Variants in CCSER1 observed in about 807,000 individuals in gnomAD.
The protein encoded by CCSER1 is coiled-coil serine rich protein 1.
Under a neutral mutation model 82.0 loss-of-function variants are expected in CCSER1, and 41 were observed. That is an observed-to-expected ratio of 0.50 (90% CI 0.39 to 0.65). The LOEUF (loss-of-function observed/expected upper bound fraction) is 0.65, where lower values mean the gene tolerates loss of function less well. Among genes scored for constraint, CCSER1 ranks in the 30% least tolerant of loss-of-function variants. CCSER1 has a pLI of 0.00. For synonymous variants in CCSER1, 414 were observed against 383.9 expected (o/e 1.08, Z -0.92); for missense variants, 1,119 against 1,064.2 (o/e 1.05, Z -0.72).
At chr4:90,736,923 A>T (rs1005463433) in intron 7 of CCSER1, among the ~76,000 whole-genome samples, 6 of 151,934 alleles carry the variant, frequency 3.9e-5, no homozygotes, top group African/African-American at 7.2e-5. Context: ...CCATTTTTTT[A>T]AAAAATAGGT....
At chr4:91,081,639 G>T (rs1372333982) in intron 9 of CCSER1, among the ~76,000 whole-genome samples, 3 of 152,182 alleles carry the variant, frequency 2.0e-5, no homozygotes, top group African/African-American at 7.2e-5. Context: ...GTTTGCAGAT[G>T]ACATGATTGT....
chr4:90,468,329 C>T lies in CCSER1; in HGVS notation c.1699C>T (p.Pro567Ser), dbSNP rs1332114208. The change falls in exon 5 of 11, where the codon CCA (proline) becomes TCA (serine). Residue 567 changes from proline to serine, a missense_variant. Coordinates refer to ENST00000509176, the MANE Select transcript of CCSER1 (RefSeq NM_001145065.2). Reference protein sequence around the residue: ...PMIEMKKREEPEFPEPSKQNL... With the variant: ...PMIEMKKREESEFPEPSKQNL... ...GATAGAAATGAAGAAAAGAGAAGAA[C>T]CAGAATTTCCTGAGCCTTCCAAACA... 2 of 1,605,200 alleles carry T rather than the reference C, an allele frequency of 1.2e-6. No individual in the cohort carries two copies. The highest frequency in any genetic ancestry group is 1.7e-5 in the Admixed American group (1 of 59,774).
intron 5 of CCSER1, among the ~76,000 whole-genome samples, chr4:90,511,719 C>T (rs1021233462): frequency 6.6e-6 from 1 of 152,048 alleles, no homozygotes; most frequent in Non-Finnish European, 1.5e-5. Context: ...AGAGTATGTG[C>T]TTCAAGTAAT....
chr4:90,268,656 C>A (rs183198101), intron 1 of CCSER1, among the ~76,000 whole-genome samples: 10 of 151,982 alleles, frequency 6.6e-5, no homozygotes, highest in Non-Finnish European at 8.8e-5. Context: ...CACAAAACAT[C>A]AGAAAAATAA....
At chr4:91,402,007 G>A (rs904558084) in intron 10 of CCSER1, among the ~76,000 whole-genome samples, 2 of 152,100 alleles carry the variant, frequency 1.3e-5, no homozygotes, top group Non-Finnish European at 2.9e-5. Flanking sequence ...CTAGTTTACA[G>A]TCCCACCAAC....
In CCSER1 at chr4:91,602,645, GAACTT is replaced by G. The variant is rs140322710; in HGVS notation, c.*3592_*3596del. On this transcript the variant is annotated 3_prime_UTR_variant, in exon 11 of 11. Coordinates refer to ENST00000509176, the MANE Select transcript of CCSER1 (RefSeq NM_001145065.2). The stretch of plus-strand genomic sequence containing the variant: ...AATTTTTACTACTTTTTCACTTTCA[GAACTT>G]AACATTCTAAACAGCTATAGAAGGA... Among the ~76,000 whole-genome samples, 95 of 151,966 alleles carry G rather than the reference GAACTT, an allele frequency of 6.3e-4. No homozygotes were observed. Among genetic ancestry groups the G allele is most frequent in the African/African-American group, 2.1e-3 (88 of 41,490 alleles).
intron 10 of CCSER1, among the ~76,000 whole-genome samples, chr4:91,095,405 A>G (rs1160177410): frequency 2.0e-5 from 3 of 152,024 alleles, no homozygotes; most frequent in Non-Finnish European, 2.9e-5. Flanking sequence ...GGATCCCTCT[A>G]ATTGCCACAG....
chr4:91,020,152 T>TA (rs1460467717), intron 9 of CCSER1, among the ~76,000 whole-genome samples: 2 of 152,170 alleles, frequency 1.3e-5, no homozygotes, highest in Non-Finnish European at 2.9e-5. Context: ...TGAAAATAAA[T>TA]ATGTACTTAA....
At chr4:90,497,049 G>T (rs1769146377) in intron 5 of CCSER1, among the ~76,000 whole-genome samples, 1 of 148,774 alleles carries the variant, frequency 6.7e-6, no homozygotes, top group Non-Finnish European at 1.5e-5. Context: ...AGGAAAGAGA[G>T]ACCAAGATAA....
chr4:90,786,050 AC>A, intron 7 of CCSER1, among the ~76,000 whole-genome samples: 1 of 152,010 alleles, frequency 6.6e-6, no homozygotes, highest in Non-Finnish European at 1.5e-5. Context: ...CAATTCTTTT[AC>A]TCCGTAGCTA....
chr4:90,571,848 A>C (rs1433955762), intron 5 of CCSER1, among the ~76,000 whole-genome samples: 1 of 151,962 alleles, frequency 6.6e-6, no homozygotes. Context: ...ACATCTCTTA[A>C]ATTATTGTAA....
intron 10 of CCSER1, among the ~76,000 whole-genome samples, chr4:91,151,196 G>T (rs1414469863): frequency 3.9e-5 from 6 of 152,030 alleles, no homozygotes; most frequent in Admixed American, 1.3e-4. Flanking sequence ...GTTTAGTCTT[G>T]GGAGGGTGCA....
intron 9 of CCSER1, among the ~76,000 whole-genome samples, chr4:90,957,906 C>A (rs76459037): frequency 9.2e-4 from 140 of 151,548 alleles, no homozygotes; most frequent in Non-Finnish European, 1.7e-3. Context: ...AAAATAACAT[C>A]CTAATTCAAA....
chr4:91,072,338 A>AT (rs1721523767), intron 9 of CCSER1, among the ~76,000 whole-genome samples: 2 of 152,058 alleles, frequency 1.3e-5, no homozygotes, highest in Admixed American at 6.6e-5. Context: ...TGAATTTCAC[A>AT]TTTTTTCCCA....
intron 3 of CCSER1, among the ~76,000 whole-genome samples, chr4:90,349,328 T>G (rs1190455243): frequency 6.6e-6 from 1 of 152,146 alleles, no homozygotes; most frequent in Non-Finnish European, 1.5e-5. Flanking sequence ...GCATTTTAGA[T>G]TTCTAATTAT....
At chr4:91,134,392 G>T (rs766456399) in intron 10 of CCSER1, among the ~76,000 whole-genome samples, 2 of 151,236 alleles carry the variant, frequency 1.3e-5, no homozygotes, top group Non-Finnish European at 2.9e-5. Flanking sequence ...TTTCACTCCA[G>T]TCAGGGCAAC....
At chr4:91,508,008 ATATG>A (rs56364200) in intron 10 of CCSER1, among the ~76,000 whole-genome samples, 11,664 of 113,414 alleles carry the variant, frequency 0.1, 588 homozygotes, top group South Asian at 0.23. Flanking sequence ...ATATATATAT[ATATG>A]AAATTATGTC....
intron 5 of CCSER1, among the ~76,000 whole-genome samples, chr4:90,598,314 A>C (rs1783597342): frequency 6.6e-6 from 1 of 152,060 alleles, no homozygotes; most frequent in Non-Finnish European, 1.5e-5. Context: ...ACATGTGCAC[A>C]ACGTGCAGGT....
At chr4:90,268,508 A>G (rs973651280) in intron 1 of CCSER1, among the ~76,000 whole-genome samples, 4 of 152,120 alleles carry the variant, frequency 2.6e-5, no homozygotes, top group African/African-American at 9.7e-5. Context: ...TATTATTTGC[A>G]AGCCTCATGG....
Sources: allele counts gnomAD v4.1 joint callset (sites outside exome capture counted in the v4.1 genomes callset), GRCh38; gene constraint gnomAD v4.1.1; transcripts MANE v1.5; gene names NCBI Gene and HGNC (gene_info 2026-07-23, HGNC 2026-07-21).